SV2B: variants seen among roughly 807,000 people sequenced by gnomAD.
SV2B encodes synaptic vesicle glycoprotein 2B, also known as solute carrier family 22 member B2.
A neutral mutation model predicts 73.9 loss-of-function variants in SV2B; 41 were observed. The ratio of observed to expected loss-of-function variants is 0.56; its 90% CI spans 0.43 to 0.72. The LOEUF (loss-of-function observed/expected upper bound fraction) is 0.72, where lower values mean the gene tolerates loss of function less well. Among genes scored for constraint, SV2B ranks in the 30% least tolerant of loss-of-function variants. The pLI, the probability that SV2B is intolerant of heterozygous loss-of-function variation, is 0.00. For missense variants in SV2B, 764 were observed against 857.8 expected, an observed-to-expected ratio of 0.89 and a Z score of 1.37; for synonymous variants, 314 against 314.2, an observed-to-expected ratio of 1.00 and a Z score of 0.01.
intron 12 of SV2B, among the ~76,000 whole-genome samples, chr15:91,291,949 T>C (rs2141815247): frequency 6.6e-6 from 1 of 152,268 alleles, no homozygotes; most frequent in Admixed American, 6.5e-5. Flanking sequence ...ATGCTGTTTG[T>C]GGGCAACTGG....
chr15:91,222,630 C>G (rs1567359453), intron 1 of SV2B, among the ~76,000 whole-genome samples: 2 of 152,182 alleles, frequency 1.3e-5, no homozygotes, highest in South Asian at 4.1e-4. Context: ...GTGACCTTGA[C>G]TTATCTTCTT....
At chr15:91,116,343 G>C (rs1237242004) in intron 1 of SV2B, among the ~76,000 whole-genome samples, 2 of 152,056 alleles carry the variant, frequency 1.3e-5, no homozygotes, top group Non-Finnish European at 2.9e-5. Flanking sequence ...GTTGTGTGTT[G>C]GTGTTTGAAC....
rs2041899107 is a variant in SV2B at position 91,106,927 on chromosome 15, G to A, written c.-392+6564G>A. Reference sequence around the variant, plus strand: ...ATAGGGAATAGCCTTCATAGGAAAAGGGGAGGGCTGGAATGACTTCAGCCT... The same window carrying A: ...ATAGGGAATAGCCTTCATAGGAAAAAGGGAGGGCTGGAATGACTTCAGCCT... On this transcript the variant is annotated intron_variant, in intron 1 of 12. Coordinates refer to ENST00000394232, the MANE Select transcript of SV2B (RefSeq NM_001323032.3). This position sits in a 1 kb window ranked among gnomAD's most constrained non-coding sequence, Gnocchi z 4.4. 6.6e-6 allele frequency among the ~76,000 whole-genome samples: 1 copy of A among 152,216 alleles called. No homozygotes were observed. Among genetic ancestry groups the A allele is most frequent in the African/African-American group, 2.4e-5 (1 of 41,456 alleles).
At chr15:91,135,060 T>C (rs1370788437) in intron 1 of SV2B, among the ~76,000 whole-genome samples, 3 of 151,666 alleles carry the variant, frequency 2.0e-5, no homozygotes. Flanking sequence ...AGCACAGTAC[T>C]GTGATCATTG....
At chr15:91,259,538 A>G (rs1374590456) in intron 5 of SV2B, among the ~76,000 whole-genome samples, 3 of 152,146 alleles carry the variant, frequency 2.0e-5, no homozygotes, top group African/African-American at 7.2e-5. Context: ...GCTGTAGCAA[A>G]ATGCCACAAA....
At chr15:91,189,805 A>G (rs1189205650) in intron 1 of SV2B, among the ~76,000 whole-genome samples, 1 of 152,170 alleles carries the variant, frequency 6.6e-6, no homozygotes, top group African/African-American at 2.4e-5. Flanking sequence ...TGGCTAACAC[A>G]GTGAAACACT....
chr15:91,270,971 T>C lies in SV2B; in HGVS notation c.1373+2366T>C, dbSNP rs111581348. ...ATGGGAGGACGGTGAGTCCTGTGGA[T>C]GATGGGCGGACGGTGAGTCCTGTGG... On this transcript the variant is annotated intron_variant, in intron 9 of 12. Transcript: ENST00000394232. Among the ~76,000 whole-genome samples, 479 of 138,684 alleles carry C rather than the reference T, an allele frequency of 3.5e-3. 10 individuals carry two copies. Among genetic ancestry groups the C allele is most frequent in the African/African-American group, 0.013 (411 of 32,164 alleles). 91.0% of individuals were successfully genotyped at this position (138,684 alleles called of 152,430 possible). A position where few individuals can be genotyped will look rare whatever the true frequency, so the allele number is the denominator to read the frequency against.
chr15:91,114,994 C>A (rs958010877), intron 1 of SV2B, among the ~76,000 whole-genome samples: 1 of 152,130 alleles, frequency 6.6e-6, no homozygotes, highest in Non-Finnish European at 1.5e-5. Context: ...CAACTGGGGT[C>A]ACATGCCCAT....
chr15:91,119,954 G>C (rs555466215), intron 1 of SV2B, among the ~76,000 whole-genome samples: 1 of 152,078 alleles, frequency 6.6e-6, no homozygotes, highest in Non-Finnish European at 1.5e-5. Flanking sequence ...TAAAAGCTCC[G>C]CATATATTGA....
At chr15:91,111,203 G>C (rs568383766) in intron 1 of SV2B, among the ~76,000 whole-genome samples, 2 of 152,282 alleles carry the variant, frequency 1.3e-5, no homozygotes, top group East Asian at 3.9e-4. Flanking sequence ...AGTCCTATCA[G>C]GTTTCTCAGT....
In SV2B at chr15:91,199,964, G is replaced by A. The variant is rs114877446; in HGVS notation, c.-391-25909G>A. Reference sequence around the variant, plus strand: ...CTTCATATGGACTGCCCCGCAGAGAGGCAAGCTCCTACAGCTCAGGGCCTG... The same window carrying A: ...CTTCATATGGACTGCCCCGCAGAGAAGCAAGCTCCTACAGCTCAGGGCCTG... On this transcript the variant is annotated intron_variant, in intron 1 of 12. Transcript: ENST00000394232. Among the ~76,000 whole-genome samples, 1,368 of 152,286 alleles carry A rather than the reference G, an allele frequency of 9.0e-3. 25 individuals are homozygous for A. Among genetic ancestry groups the A allele is most frequent in the African/African-American group, 0.031 (1,304 of 41,526 alleles).
At chr15:91,147,672 G>C (rs993745713) in intron 1 of SV2B, among the ~76,000 whole-genome samples, 1 of 152,108 alleles carries the variant, frequency 6.6e-6, no homozygotes. Flanking sequence ...TTTATTTTCT[G>C]CTCTGCCTAA....
At position 91,139,120 on chromosome 15, in the gene SV2B, A is replaced by G. The variant is rs1021953600; in HGVS notation, c.-392+38757A>G. Among the ~76,000 whole-genome samples the G allele has an allele frequency of 5.9e-5, 9 of 152,180 alleles. No individual in the cohort carries two copies. The highest frequency in any genetic ancestry group is 1.2e-4 in the Non-Finnish European group (8 of 68,024). On this transcript the variant is annotated intron_variant, in intron 1 of 12. Coordinates refer to ENST00000394232, the MANE Select transcript of SV2B (RefSeq NM_001323032.3). This position sits in a 1 kb window ranked among gnomAD's most constrained non-coding sequence, Gnocchi z 5.2. The stretch of plus-strand genomic sequence containing the variant: ...CAAAATAGAGTCCTATTCTTTAAAA[A>G]TTGTTACTGATGTGCGTATGGCTAA...
Position 91,110,031 on chromosome 15 carries a change from T to C in SV2B, c.-392+9668T>C, listed in dbSNP as rs1434187810. ...TGAACCACTGCATCCACCTCGGAAATAGCTTATTTGGGTGGATAAAAGAGC... is the reference window on the plus strand; with the variant it reads ...TGAACCACTGCATCCACCTCGGAAACAGCTTATTTGGGTGGATAAAAGAGC... On this transcript the variant is annotated intron_variant, in intron 1 of 12. Transcript: ENST00000394232. The surrounding 1 kb of genome is among the most constrained non-coding windows in gnomAD (Gnocchi z 5.4). 1.3e-5 allele frequency among the ~76,000 whole-genome samples: 2 copies of C among 152,084 alleles called. No homozygotes were observed. The highest frequency in any genetic ancestry group is 2.9e-5 in the Non-Finnish European group (2 of 67,998).
chr15:91,261,390 AATC>A lies in SV2B; in HGVS notation c.1008+987_1008+989del, dbSNP rs2047904997. 6.6e-6 allele frequency among the ~76,000 whole-genome samples: 1 copy of A among 152,224 alleles called. No individual in the cohort carries two copies. Among genetic ancestry groups the A allele is most frequent in the African/African-American group, 2.4e-5 (1 of 41,462 alleles). On this transcript the variant is annotated intron_variant, in intron 6 of 12. Transcript: ENST00000394232. This position sits in a 1 kb window ranked among gnomAD's most constrained non-coding sequence, Gnocchi z 4.7. ...TTATATGCTGTCTCCTAGTATTCATAATCATCATTTTAATAAACAGTAATGTTA... is the reference window on the plus strand; with the variant it reads ...TTATATGCTGTCTCCTAGTATTCATAATCATTTTAATAAACAGTAATGTTA...
At chr15:91,266,783 A>G in intron 7 of SV2B, 91 bp downstream of exon 7, 1 of 1,059,784 alleles carries the variant, frequency 9.4e-7, no homozygotes, top group Non-Finnish European at 1.4e-6. Context: ...GAACATCCCC[A>G]CCAACCTGGG....
At position 91,245,062 on chromosome 15, in the gene SV2B, C is replaced by G. The variant is rs2047169663; in HGVS notation, c.452-6757C>G. On this transcript the variant is annotated intron_variant, in intron 2 of 12. Coordinates refer to ENST00000394232, the MANE Select transcript of SV2B (RefSeq NM_001323032.3). The surrounding 1 kb of genome is among the most constrained non-coding windows in gnomAD (Gnocchi z 4.2). ...CTCACCCAGTCAGGGCCTCTTCTTT[C>G]TTGTCACCACGGTAAGCCAGTGCGG... Among the ~76,000 whole-genome samples, 1 of 152,236 alleles carries G rather than the reference C, an allele frequency of 6.6e-6. No individual in the cohort carries two copies. The highest frequency in any genetic ancestry group is 2.1e-4 in the South Asian group (1 of 4,836).
At chr15:91,134,849 G>C (rs1256123658) in intron 1 of SV2B, among the ~76,000 whole-genome samples, 3 of 152,142 alleles carry the variant, frequency 2.0e-5, no homozygotes, top group Non-Finnish European at 4.4e-5. Flanking sequence ...GCTTCCAGCA[G>C]GTGGGATTGA....
At chr15:91,270,475 C>T (rs1239600672) in intron 9 of SV2B, among the ~76,000 whole-genome samples, 1 of 152,192 alleles carries the variant, frequency 6.6e-6, no homozygotes, top group African/African-American at 2.4e-5. Flanking sequence ...TCTCCCAACC[C>T]ATGCATTTGG....
Sources: allele counts gnomAD v4.1 joint callset (sites outside exome capture counted in the v4.1 genomes callset), GRCh38; gene constraint gnomAD v4.1.1; non-coding constraint Gnocchi (gnomAD v3.1); transcripts MANE v1.5; gene names NCBI Gene and HGNC (gene_info 2026-07-23, HGNC 2026-07-21).